TMEM51: variants seen among roughly 807,000 people sequenced by gnomAD.
The protein encoded by TMEM51 is chromosome 1 open reading frame 72.
A neutral mutation model predicts 13.6 loss-of-function variants in TMEM51; 8 were observed. That is an observed-to-expected ratio of 0.59 (90% CI 0.35 to 1.07). The LOEUF (loss-of-function observed/expected upper bound fraction) is 1.07, where lower values mean the gene tolerates loss of function less well. TMEM51 is among the 50% of genes least tolerant of loss of function. The pLI, the probability that TMEM51 is intolerant of heterozygous loss-of-function variation, is 0.02. For synonymous variants in TMEM51, 147 were observed against 144.4 expected (o/e 1.02, Z -0.13); for missense variants, 279 against 330.7 (o/e 0.84, Z 1.21).
intron 1 of TMEM51, among the ~76,000 whole-genome samples, chr1:15,189,456 C>G (rs927266954): frequency 1.2e-4 from 19 of 152,088 alleles, no homozygotes; most frequent in Non-Finnish European, 2.4e-4. Flanking sequence ...TCTCTGGCTG[C>G]CTCCATTCCA....
Position 15,161,660 on chromosome 1 carries a change from C to T in TMEM51, c.-267+7706C>T, listed in dbSNP as rs755036723. On this transcript the variant is annotated intron_variant, in intron 1 of 3. Transcript: ENST00000376008. This position sits in a 1 kb window ranked among gnomAD's most constrained non-coding sequence, Gnocchi z 4.0. ...TTATAAAGAAAAGAGATTTATTGGC[C>T]GGGCGCAGTGGCTCACGCCGGTAAT... Among the ~76,000 whole-genome samples, 3 of 151,672 alleles carry T rather than the reference C, an allele frequency of 2.0e-5. No homozygotes were observed. The highest frequency in any genetic ancestry group is 4.4e-5 in the Non-Finnish European group (3 of 67,964).
At chr1:15,210,915 A>T (rs1007250318) in intron 2 of TMEM51, among the ~76,000 whole-genome samples, 5 of 152,236 alleles carry the variant, frequency 3.3e-5, no homozygotes, top group African/African-American at 9.6e-5. Flanking sequence ...GGGTTTCTAC[A>T]GACCCCATAG....
intron 1 of TMEM51, among the ~76,000 whole-genome samples, chr1:15,191,615 TA>T (rs1266999788): frequency 3.3e-5 from 5 of 152,196 alleles, no homozygotes; most frequent in African/African-American, 1.2e-4. Flanking sequence ...AGCCTCACTT[TA>T]ATAAGTAGCA....
At chr1:15,155,891 C>T (rs562523092) in intron 1 of TMEM51, among the ~76,000 whole-genome samples, 1 of 152,232 alleles carries the variant, frequency 6.6e-6, no homozygotes, top group South Asian at 2.1e-4. Context: ...GCAGGGAAGT[C>T]GTCTGATCCC....
chr1:15,174,261 T>C (rs578256538), intron 1 of TMEM51, among the ~76,000 whole-genome samples: 1 of 152,308 alleles, frequency 6.6e-6, no homozygotes, highest in Non-Finnish European at 1.5e-5. Flanking sequence ...TTTTTCTTTT[T>C]CTGATGGATT....
chr1:15,204,051 T>C (rs1333083572), intron 1 of TMEM51, among the ~76,000 whole-genome samples: 1 of 152,200 alleles, frequency 6.6e-6, no homozygotes, highest in East Asian at 1.9e-4. Context: ...AAATGCCCCT[T>C]GGGGAAGACA....
Position 15,220,067 on chromosome 1 carries a change from G to A in TMEM51, c.*324G>A, listed in dbSNP as rs10130. 4.5e-3 allele frequency: 1,457 copies of A among 321,306 alleles called. 21 individuals are homozygous for A. Among genetic ancestry groups the A allele is most frequent in the African/African-American group, 0.025 (1,223 of 48,174 alleles). The allele number at this position is 321,306 out of a possible 1,614,324, so 19.9% of individuals were successfully genotyped here. Reference sequence around the variant, plus strand: ...ACATTCTCCTTTCCAGCTAGGAAAGGGTTCCTCGCGGCTGGTTTAGATTGT... The same window carrying A: ...ACATTCTCCTTTCCAGCTAGGAAAGAGTTCCTCGCGGCTGGTTTAGATTGT... On this transcript the variant is annotated 3_prime_UTR_variant, in exon 4 of 4. Transcript: ENST00000376008.
intron 1 of TMEM51, among the ~76,000 whole-genome samples, chr1:15,196,444 G>A (rs1300810286): frequency 6.6e-6 from 1 of 152,162 alleles, no homozygotes; most frequent in Non-Finnish European, 1.5e-5. Context: ...GAGAGAGGGG[G>A]AGGGAGAGAG....
In TMEM51 at chr1:15,173,692, CAA is replaced by C. The variant is rs199574987; in HGVS notation, c.-267+19740_-267+19741del. Among the ~76,000 whole-genome samples the C allele has an allele frequency of 2.1e-4, 31 of 146,812 alleles. 1 individual carries two copies. The highest frequency in any genetic ancestry group is 7.6e-4 in the African/African-American group (31 of 40,686). Reference sequence around the variant, plus strand: ...AACTCCATCTAAAAAAAAAAAAACACAAACAAAATTCATCTGTCAAAGAAGAG... The same window carrying C: ...AACTCCATCTAAAAAAAAAAAAACACACAAAATTCATCTGTCAAAGAAGAG... On this transcript the variant is annotated intron_variant, in intron 1 of 3. Transcript: ENST00000376008.
rs759766365 is a variant in TMEM51, at chr1:15,215,289, G to A, written c.202G>A (p.Val68Met). The A allele has an allele frequency of 3.1e-6, 5 of 1,614,212 alleles. No individual in the cohort carries two copies. In the South Asian group the frequency reaches 4.4e-5, roughly 14 times the overall value. ...GAGCAAGACCTTCTCTGTGGCCTAC[G>A]TGCTGGTCGGGGCCGGGGTGATGCT... ...LKSKTFSVAYVLVGAGVMLLL... is the reference protein window; with the variant it reads ...LKSKTFSVAYMLVGAGVMLLL... Residue 68 changes from valine to methionine, a missense_variant, in exon 3 of 4, where the codon GTG becomes ATG. Coordinates refer to ENST00000376008, the MANE Select transcript of TMEM51 (RefSeq NM_001136218.2).
At chr1:15,216,355 A>G (rs1370029772) in intron 3 of TMEM51, among the ~76,000 whole-genome samples, 2 of 152,244 alleles carry the variant, frequency 1.3e-5, no homozygotes, top group Non-Finnish European at 2.9e-5. Flanking sequence ...AGATGAATAT[A>G]CCAATAGGAA....
intron 1 of TMEM51, among the ~76,000 whole-genome samples, chr1:15,189,335 C>T (rs7552637): frequency 0.16 from 24,635 of 150,540 alleles, 2,074 homozygotes; most frequent in Non-Finnish European, 0.19. Flanking sequence ...GGATTACAGG[C>T]GTGAGCTACC....
chr1:15,219,128 T>C (rs1189651920), intron 3 of TMEM51, among the ~76,000 whole-genome samples, 198 bp from the exon 4 acceptor site: 1 of 152,230 alleles, frequency 6.6e-6, no homozygotes, highest in Non-Finnish European at 1.5e-5. Context: ...GAATCTGAAA[T>C]TGGTTCATAT....
intron 1 of TMEM51, among the ~76,000 whole-genome samples, chr1:15,169,552 C>T (rs1643161776): frequency 6.6e-6 from 1 of 152,192 alleles, no homozygotes; most frequent in African/African-American, 2.4e-5. Flanking sequence ...GCTGATCGCC[C>T]TTCCACCATG....
intron 1 of TMEM51, among the ~76,000 whole-genome samples, chr1:15,154,848 G>A (rs1344328339): frequency 1.3e-5 from 2 of 152,044 alleles, no homozygotes; most frequent in Non-Finnish European, 2.9e-5. Flanking sequence ...CCAACAGCAG[G>A]GGAGGTCTGG....
intron 1 of TMEM51, among the ~76,000 whole-genome samples, chr1:15,156,543 G>A (rs752242211): frequency 3.9e-5 from 6 of 152,208 alleles, no homozygotes; most frequent in Non-Finnish European, 8.8e-5. Context: ...ATGTGGTATG[G>A]GGGCTGCTGA....
chr1:15,201,036 T>C (rs577466835), intron 1 of TMEM51, among the ~76,000 whole-genome samples: 41 of 152,350 alleles, frequency 2.7e-4, no homozygotes, highest in African/African-American at 9.4e-4. Context: ...GCTGTTTACT[T>C]ACCCAATAGT....
At chr1:15,212,298 T>G (rs1320134228) in intron 2 of TMEM51, among the ~76,000 whole-genome samples, 1 of 152,238 alleles carries the variant, frequency 6.6e-6, no homozygotes, top group African/African-American at 2.4e-5. Context: ...TTTTAATCAT[T>G]GACAGTTTAT....
chr1:15,163,827 T>TGG (rs201334078), intron 1 of TMEM51, among the ~76,000 whole-genome samples: 912 of 52,146 alleles, frequency 0.017, 24 homozygotes, highest in African/African-American at 0.055. Flanking sequence ...TGGCTTTTTT[T>TGG]GGGGGGGGGG....
Sources: allele counts gnomAD v4.1 joint callset (sites outside exome capture counted in the v4.1 genomes callset), GRCh38; gene constraint gnomAD v4.1.1; non-coding constraint Gnocchi (gnomAD v3.1); transcripts MANE v1.5; gene names NCBI Gene and HGNC (gene_info 2026-07-23, HGNC 2026-07-21).